NREP: variants seen among roughly 807,000 people sequenced by gnomAD.
NREP encodes neuronal regeneration related protein.
In NREP, 5 loss-of-function variants were observed where a neutral mutation model predicts 8.6. The ratio of observed to expected loss-of-function variants is 0.58; its 90% CI spans 0.30 to 1.22. The LOEUF (loss-of-function observed/expected upper bound fraction) is 1.22. Among genes scored for constraint, NREP ranks in the 50% most tolerant of loss-of-function variants. NREP has a pLI of 0.07. For synonymous variants in NREP, 27 were observed against 28.0 expected, an observed-to-expected ratio of 0.96 and a Z score of 0.11; for missense variants, 86 against 82.5, an observed-to-expected ratio of 1.04 and a Z score of -0.17.
chr5:111,760,778 C>T (rs924204591), upstream of NREP, among the ~76,000 whole-genome samples: 2 of 152,160 alleles, frequency 1.3e-5, no homozygotes, highest in African/African-American at 4.8e-5. Context: ...AACCCTGGGT[C>T]AGAACCTGAT....
chr5:111,818,030 AG>A (rs1435833218), intron 2 of NREP, among the ~76,000 whole-genome samples: 6 of 152,124 alleles, frequency 3.9e-5, no homozygotes, highest in Non-Finnish European at 8.8e-5. Flanking sequence ...AAATTCCACA[AG>A]TTTCAATTAA....
intron 2 of NREP, among the ~76,000 whole-genome samples, chr5:111,869,273 G>C (rs1355060780): frequency 6.6e-6 from 1 of 152,172 alleles, no homozygotes; most frequent in Non-Finnish European, 1.5e-5. Flanking sequence ...CATTAAAAAT[G>C]ATTCATCTGC....
At chr5:111,805,419 C>T (rs1370232282) in intron 2 of NREP, among the ~76,000 whole-genome samples, 1 of 152,058 alleles carries the variant, frequency 6.6e-6, no homozygotes, top group African/African-American at 2.4e-5. Flanking sequence ...CCTAAATGCC[C>T]GTATACTGGA....
intron 2 of NREP, among the ~76,000 whole-genome samples, chr5:111,969,932 T>A (rs982484739): frequency 1.3e-5 from 2 of 152,192 alleles, no homozygotes; most frequent in Non-Finnish European, 2.9e-5. Flanking sequence ...GGAGCAAAAC[T>A]CTTGCTGTCT....
intron 2 of NREP, among the ~76,000 whole-genome samples, chr5:111,907,406 T>C (rs1754805050): frequency 1.3e-5 from 2 of 152,084 alleles, no homozygotes; most frequent in Admixed American, 6.6e-5. Context: ...GCATTGGATG[T>C]CCAGTTGTTC....
chr5:111,831,367 G>C (rs1021679085), intron 2 of NREP, among the ~76,000 whole-genome samples: 1 of 151,796 alleles, frequency 6.6e-6, no homozygotes, highest in Non-Finnish European at 1.5e-5. Flanking sequence ...CATACCATTG[G>C]GCCATTGAAA....
chr5:111,907,163 G>A (rs979738428), intron 2 of NREP, among the ~76,000 whole-genome samples: 1 of 151,462 alleles, frequency 6.6e-6, no homozygotes, highest in Admixed American at 6.6e-5. Context: ...CCTTAACAGT[G>A]TTTTTTTTGC....
At chr5:111,882,477 G>C (rs1361827116) in intron 2 of NREP, among the ~76,000 whole-genome samples, 1 of 152,108 alleles carries the variant, frequency 6.6e-6, no homozygotes, top group African/African-American at 2.4e-5. Flanking sequence ...GAAATACAGA[G>C]AACGCAACAA....
intron 2 of NREP, among the ~76,000 whole-genome samples, chr5:111,953,534 T>C (rs1756224644): frequency 6.6e-6 from 1 of 152,194 alleles, no homozygotes; most frequent in Non-Finnish European, 1.5e-5. Context: ...TCAGGCATCA[T>C]GAGTTCGTGC....
intron 2 of NREP, among the ~76,000 whole-genome samples, chr5:111,795,905 T>C (rs750004503): frequency 3.3e-5 from 5 of 152,216 alleles, no homozygotes; most frequent in African/African-American, 7.2e-5. Context: ...ATTGTGCAGA[T>C]AGAAGCACTG....
intron 2 of NREP, among the ~76,000 whole-genome samples, chr5:111,801,750 G>T (rs1323385172): frequency 2.6e-5 from 4 of 152,114 alleles, no homozygotes; most frequent in Non-Finnish European, 5.9e-5. Context: ...ACAATACAAA[G>T]ATGAACAATA....
intron 2 of NREP, among the ~76,000 whole-genome samples, chr5:111,958,695 T>G (rs1756396722): frequency 6.6e-6 from 1 of 151,922 alleles, no homozygotes; most frequent in African/African-American, 2.4e-5. Context: ...ATGGATAAGA[T>G]TCAACATTTA....
intron 3 of NREP, chr5:111,734,637 T>A (rs2112789009): frequency 3.2e-6 from 2 of 621,852 alleles, no homozygotes; most frequent in East Asian, 5.7e-5. Flanking sequence ...TCTTAAACAT[T>A]GAAATACCAG....
At chr5:111,750,885 G>A (rs563065063) in intron 2 of NREP, among the ~76,000 whole-genome samples, 7 of 152,252 alleles carry the variant, frequency 4.6e-5, no homozygotes, top group African/African-American at 1.2e-4. Context: ...TGCAAGTCAC[G>A]TTCTTTTGGC....
chr5:111,953,547 T>G (rs999760255), intron 2 of NREP, among the ~76,000 whole-genome samples: 1 of 152,134 alleles, frequency 6.6e-6, no homozygotes, highest in Non-Finnish European at 1.5e-5. Context: ...GTTCGTGCAC[T>G]ATTTACCGCA....
chr5:111,887,758 G>A (rs924991895), intron 2 of NREP, among the ~76,000 whole-genome samples: 5 of 152,082 alleles, frequency 3.3e-5, no homozygotes, highest in African/African-American at 9.7e-5. Flanking sequence ...CGTGTCCATG[G>A]GCATTGCTGT....
In NREP at chr5:111,820,893, T is replaced by A. The variant is rs73789510; in HGVS notation, c.136-85386A>T. ...AACAAGAAAAATCTAATCCTATAAG[T>A]ATATTTTAGAAACAGAGATGAGAAG... On this transcript the variant is annotated intron_variant, in intron 2 of 3. Coordinates refer to the NREP transcript ENST00000395634. 9.2e-5 allele frequency among the ~76,000 whole-genome samples: 14 copies of A among 152,292 alleles called. 1 individual carries two copies. The highest frequency in any genetic ancestry group is 1.6e-4 in the Non-Finnish European group (11 of 68,024).
chr5:111,897,937 T>C (rs1379408326), intron 2 of NREP, among the ~76,000 whole-genome samples: 1 of 152,210 alleles, frequency 6.6e-6, no homozygotes, highest in Non-Finnish European at 1.5e-5. Context: ...TAATTAATGA[T>C]TTTGAATTTT....
At chr5:111,784,823 T>C (rs1301839365) in intron 2 of NREP, among the ~76,000 whole-genome samples, 1 of 152,224 alleles carries the variant, frequency 6.6e-6, no homozygotes, top group African/African-American at 2.4e-5. Context: ...TAAAAAGTTA[T>C]ACTTTTCAAG....
Sources: gnomAD v4.1 joint callset for allele counts (sites outside exome capture counted in the v4.1 genomes callset) on GRCh38, gnomAD v4.1.1 for gene constraint, MANE v1.5 for transcripts, NCBI Gene and HGNC (gene_info 2026-07-23, HGNC 2026-07-21) for gene names.